The following SPPL3 variants were observed in gnomAD, a reference collection of about 807,000 sequenced individuals.
SPPL3 encodes the protein signal peptide peptidase like 3.
Under a neutral mutation model 42.4 loss-of-function variants are expected in SPPL3, and 5 were observed. That is an observed-to-expected ratio of 0.12 (90% CI 0.06 to 0.25). The LOEUF is 0.25. SPPL3 is among the 10% of genes least tolerant of loss of function. The pLI is 1.00. For synonymous variants in SPPL3, 195 were observed against 181.8 expected (o/e 1.07, Z -0.58); for missense variants, 235 against 489.0 (o/e 0.48, Z 4.90).
intron 1 of SPPL3, among the ~76,000 whole-genome samples, chr12:120,902,166 T>G (rs1261211118): frequency 6.6e-6 from 1 of 152,248 alleles, no homozygotes; most frequent in Admixed American, 6.5e-5. Flanking sequence ...AACTATGAAA[T>G]TAGCTTAAAC....
At chr12:120,903,759 C>G in intron 1 of SPPL3, 86 bp downstream of exon 1, 4 of 471,682 alleles carry the variant, frequency 8.5e-6, no homozygotes, top group African/African-American at 2.2e-5. Flanking sequence ...CGCACCTGTT[C>G]TTCCTCCTCT....
At chr12:120,903,614 C>T (rs1356632607) in intron 1 of SPPL3, 7 of 471,710 alleles carry the variant, frequency 1.5e-5, no homozygotes, top group Non-Finnish European at 2.3e-5. Flanking sequence ...ATGACATCCG[C>T]CGCTGCCTCC....
chr12:120,885,336 T>G (rs1873419728), intron 1 of SPPL3, among the ~76,000 whole-genome samples: 1 of 152,208 alleles, frequency 6.6e-6, no homozygotes, highest in Non-Finnish European at 1.5e-5. Context: ...CTACAACACA[T>G]AAGTATTTCA....
chr12:120,870,297 T>C (rs1284115801), intron 1 of SPPL3, among the ~76,000 whole-genome samples: 1 of 151,078 alleles, frequency 6.6e-6, no homozygotes, highest in African/African-American at 2.4e-5. Context: ...AATACAAAAT[T>C]AGCTGGTCGT....
intron 9 of SPPL3, among the ~76,000 whole-genome samples, chr12:120,767,020 G>C (rs1180877659): frequency 6.6e-6 from 1 of 152,236 alleles, no homozygotes; most frequent in Non-Finnish European, 1.5e-5. Flanking sequence ...GCCTAGGTCA[G>C]AGTGGCAGAA....
intron 1 of SPPL3, among the ~76,000 whole-genome samples, chr12:120,824,676 G>A (rs1181449750): frequency 5.3e-5 from 8 of 152,166 alleles, no homozygotes; most frequent in East Asian, 1.9e-4. Flanking sequence ...GGAGACAGGC[G>A]CATGCCACCA....
At chr12:120,888,429 A>G (rs1180229024) in intron 1 of SPPL3, among the ~76,000 whole-genome samples, 3 of 152,142 alleles carry the variant, frequency 2.0e-5, no homozygotes, top group Non-Finnish European at 4.4e-5. Flanking sequence ...CCTGTCAACT[A>G]ATGAGTGCAT....
chr12:120,805,408 A>C (rs1323695140), intron 2 of SPPL3, among the ~76,000 whole-genome samples: 1 of 152,242 alleles, frequency 6.6e-6, no homozygotes, highest in Non-Finnish European at 1.5e-5. Context: ...TTTATGAAAA[A>C]TGTACAACTA....
intron 1 of SPPL3, among the ~76,000 whole-genome samples, chr12:120,858,452 ATC>A (rs1204947846): frequency 1.5e-5 from 2 of 135,152 alleles, no homozygotes; most frequent in East Asian, 4.7e-4. Context: ...ACAAGACTCC[ATC>A]TCAAGAAAAC....
In SPPL3 at chr12:120,900,922, A is replaced by AT. The variant is rs1555255162; in HGVS notation, c.23+2922_23+2923insA. Among the ~76,000 whole-genome samples the AT allele has an allele frequency of 3.7e-4, 35 of 95,866 alleles. No homozygotes were observed. The East Asian group carries it at 9.8e-3, about 27-fold the overall frequency. The allele number at this position is 95,866 out of a possible 152,430, so 62.9% of individuals were successfully genotyped here. A position where few individuals can be genotyped will look rare whatever the true frequency, so the allele number is the denominator to read the frequency against. On this transcript the variant is annotated intron_variant, in intron 1 of 10. Coordinates refer to ENST00000353487, the MANE Select transcript of SPPL3 (RefSeq NM_139015.5). ...GGGCGAAAGAGTGAGACCCTGTCTC[A>AT]CAAAAAAAAAAAAAAAAAAAGTAAT...
intron 2 of SPPL3, among the ~76,000 whole-genome samples, chr12:120,803,360 T>A (rs201143413): frequency 6.6e-6 from 1 of 152,050 alleles, no homozygotes; most frequent in East Asian, 1.9e-4. Flanking sequence ...AGAGCACAAA[T>A]AAACAATTGT....
intron 1 of SPPL3, among the ~76,000 whole-genome samples, chr12:120,841,527 T>C (rs573319757): frequency 3.9e-5 from 6 of 152,288 alleles, no homozygotes; most frequent in Non-Finnish European, 8.8e-5. Flanking sequence ...GGAAGTATGA[T>C]AAACGAAAGG....
intron 1 of SPPL3, among the ~76,000 whole-genome samples, chr12:120,822,263 G>C (rs1275470903): frequency 6.6e-6 from 1 of 152,148 alleles, no homozygotes; most frequent in Non-Finnish European, 1.5e-5. Context: ...CAAATTGTAT[G>C]TTATGTATAT....
rs3050392 is a variant in SPPL3 at position 120,789,824 on chromosome 12, C to CAAAAAAAAAAAAAAAAA, written c.190+1628_190+1644dup. The stretch of plus-strand genomic sequence containing the variant: ...TGAATGACAGAGCAAGACTCCGTCT[C>CAAAAAAAAAAAAAAAAA]AAAAAAAAAAAAAAAAAAAAAAAAA... On this transcript the variant is annotated intron_variant, in intron 3 of 10. Transcript: ENST00000353487. Among the ~76,000 whole-genome samples, 9 of 30,464 alleles carry CAAAAAAAAAAAAAAAAA rather than the reference C, an allele frequency of 3.0e-4. 1 individual carries two copies. Among genetic ancestry groups the CAAAAAAAAAAAAAAAAA allele is most frequent in the African/African-American group, 8.9e-4 (8 of 9,004 alleles). The allele number at this position is 30,464 out of a possible 152,430, so 20.0% of individuals were successfully genotyped here. A position where few individuals can be genotyped will look rare whatever the true frequency, so the allele number is the denominator to read the frequency against.
At chr12:120,887,645 G>A (rs1873505484) in intron 1 of SPPL3, among the ~76,000 whole-genome samples, 1 of 152,186 alleles carries the variant, frequency 6.6e-6, no homozygotes, top group Admixed American at 6.5e-5. Flanking sequence ...AACCAAAGGT[G>A]TACTAAATTT....
chr12:120,806,740 G>A (rs551110461), intron 2 of SPPL3, among the ~76,000 whole-genome samples: 19 of 151,822 alleles, frequency 1.3e-4, no homozygotes, highest in Non-Finnish European at 2.1e-4. Flanking sequence ...CCAGCTACTC[G>A]GGAGGCTGAG....
At chr12:120,893,699 C>G (rs1034812484) in intron 1 of SPPL3, among the ~76,000 whole-genome samples, 1 of 152,112 alleles carries the variant, frequency 6.6e-6, no homozygotes, top group Non-Finnish European at 1.5e-5. Flanking sequence ...ACACTCCTGC[C>G]CCTAAAAATT....
At chr12:120,876,830 C>T (rs1051075203) in intron 1 of SPPL3, among the ~76,000 whole-genome samples, 4 of 134,586 alleles carry the variant, frequency 3.0e-5, no homozygotes, top group Admixed American at 2.2e-4. Flanking sequence ...CACACACACA[C>T]ACACACACAC....
At chr12:120,885,603 A>T (rs1323277243) in intron 1 of SPPL3, among the ~76,000 whole-genome samples, 1 of 152,170 alleles carries the variant, frequency 6.6e-6, no homozygotes, top group Non-Finnish European at 1.5e-5. Context: ...GCAAGTGCCC[A>T]TAAAAAGTTG....
Sources: allele counts gnomAD v4.1 joint callset (sites outside exome capture counted in the v4.1 genomes callset), GRCh38; gene constraint gnomAD v4.1.1; transcripts MANE v1.5; gene names NCBI Gene and HGNC (gene_info 2026-07-23, HGNC 2026-07-21).